Variants in LINGO2 observed in about 807,000 individuals in gnomAD.
The protein encoded by LINGO2 is leucine-rich repeat and immunoglobulin-like domain-containing nogo receptor-interacting protein 2.
Under a neutral mutation model 30.6 loss-of-function variants are expected in LINGO2, and 14 were observed. The ratio of observed to expected loss-of-function variants is 0.46; its 90% confidence interval spans 0.30 to 0.72. The LOEUF (loss-of-function observed/expected upper bound fraction) is 0.72, where lower values mean the gene tolerates loss of function less well. LINGO2 is among the 30% of genes least tolerant of loss of function. The pLI, the probability that LINGO2 is intolerant of heterozygous loss-of-function variation, is 0.07. For synonymous variants in LINGO2, 317 were observed against 288.5 expected, an observed-to-expected ratio of 1.10 and a Z score of -1.00; for missense variants, 729 against 751.7, an observed-to-expected ratio of 0.97 and a Z score of 0.35.
At chr9:28,681,472 A>G in the LINGO2 span, among the ~76,000 whole-genome samples, 2 of 152,092 alleles carry the variant, frequency 1.3e-5, no homozygotes, top group African/African-American at 2.4e-5. Context: ...CTGTGGCTTT[A>G]GATCTTTTAT....
At chr9:27,957,867 A>G (rs779245649) in intron 5 of LINGO2, among the ~76,000 whole-genome samples, 2 of 152,218 alleles carry the variant, frequency 1.3e-5, no homozygotes, top group Non-Finnish European at 2.9e-5. Flanking sequence ...ATCTTTAGGT[A>G]TTCTTTAATT....
the LINGO2 span, among the ~76,000 whole-genome samples, chr9:28,707,116 G>A: frequency 1.6e-4 from 24 of 152,008 alleles, no homozygotes; most frequent in African/African-American, 5.3e-4. Flanking sequence ...TGTGGTAACC[G>A]CTTTTGCTCA....
the LINGO2 span, among the ~76,000 whole-genome samples, chr9:28,713,863 A>T: frequency 1.3e-5 from 2 of 151,948 alleles, no homozygotes; most frequent in Admixed American, 1.3e-4. Context: ...CAATAAAAAT[A>T]TATCTCCACT....
At chr9:28,274,733 A>C (rs1406595783) in intron 4 of LINGO2, among the ~76,000 whole-genome samples, 1 of 151,942 alleles carries the variant, frequency 6.6e-6, no homozygotes, top group Non-Finnish European at 1.5e-5. Flanking sequence ...TTCCTAAATG[A>C]CTCCTTTTAC....
intron 4 of LINGO2, among the ~76,000 whole-genome samples, chr9:28,089,878 G>A (rs4878693): frequency 0.13 from 19,027 of 151,940 alleles, 1,688 homozygotes; most frequent in Non-Finnish European, 0.17. Context: ...ATGATAAAGG[G>A]GATATCACCA....
intron 4 of LINGO2, among the ~76,000 whole-genome samples, chr9:28,259,505 A>G (rs986669318): frequency 1.3e-5 from 2 of 151,830 alleles, no homozygotes; most frequent in African/African-American, 4.8e-5. Context: ...GGTGAGCCAT[A>G]CAAGGTCTAT....
the LINGO2 span, among the ~76,000 whole-genome samples, chr9:28,949,170 C>T: frequency 5.9e-5 from 9 of 151,630 alleles, no homozygotes; most frequent in Admixed American, 1.3e-4. Context: ...GATCTAAAAC[C>T]GACACCCTAA....
chr9:29,203,072 C>T, the LINGO2 span, among the ~76,000 whole-genome samples: 1 of 152,020 alleles, frequency 6.6e-6, no homozygotes, highest in Non-Finnish European at 1.5e-5. Context: ...TCAGAACCAA[C>T]CATATATATA....
intron 5 of LINGO2, among the ~76,000 whole-genome samples, chr9:28,001,765 A>G (rs1433194700): frequency 1.3e-5 from 2 of 152,208 alleles, no homozygotes; most frequent in East Asian, 3.9e-4. Flanking sequence ...GAAACTAGGA[A>G]TGAAATCATT....
rs142830311 is a variant in LINGO2 at position 28,047,262 on chromosome 9, T to G, written c.-86-34857A>C. Among the ~76,000 whole-genome samples, 3 of 152,230 alleles carry G rather than the reference T, an allele frequency of 2.0e-5. No homozygotes were observed. In the East Asian group the frequency reaches 5.8e-4, roughly 29 times the overall value. ...CCACCAACCTGTAGTGATCTGACTC[T>G]TTGGTCGGAGCTTGCCCTCCTTTTA... On this transcript the variant is annotated intron_variant, in intron 4 of 5. Transcript: ENST00000379992.
intron 5 of LINGO2, among the ~76,000 whole-genome samples, chr9:27,966,442 C>T (rs752009526): frequency 5.9e-5 from 9 of 152,196 alleles, no homozygotes; most frequent in Middle Eastern, 3.4e-3. Flanking sequence ...AAATTTGAAA[C>T]CATCATCCTC....
chr9:28,138,296 G>A (rs1827572977), intron 4 of LINGO2, among the ~76,000 whole-genome samples: 1 of 152,006 alleles, frequency 6.6e-6, no homozygotes, highest in Admixed American at 6.6e-5. Flanking sequence ...TTTTTCCTTT[G>A]CTTTACTTCA....
chr9:27,960,987 T>C (rs547060215), intron 5 of LINGO2, among the ~76,000 whole-genome samples: 67 of 152,166 alleles, frequency 4.4e-4, no homozygotes, highest in Non-Finnish European at 7.9e-4. Context: ...TAATGGTCGA[T>C]TTATAATTTT....
At chr9:28,037,472 T>TAA (rs60891119) in intron 4 of LINGO2, among the ~76,000 whole-genome samples, 4,079 of 151,650 alleles carry the variant, frequency 0.027, 87 homozygotes, top group South Asian at 0.069. Context: ...CTGTCTCCTT[T>TAA]AAAAAAAAAG....
chr9:28,626,048 A>G (rs1170527381), intron 1 of LINGO2, among the ~76,000 whole-genome samples: 2 of 152,164 alleles, frequency 1.3e-5, no homozygotes, highest in East Asian at 3.8e-4. Flanking sequence ...TGGTGGCAAC[A>G]TTTGAGAATT....
chr9:28,716,790 A>G, the LINGO2 span, among the ~76,000 whole-genome samples: 4 of 152,224 alleles, frequency 2.6e-5, no homozygotes, highest in East Asian at 5.8e-4. Flanking sequence ...AGTGTTTGCT[A>G]TCAAACTATA....
chr9:28,666,187 C>T (rs985178113), intron 1 of LINGO2, among the ~76,000 whole-genome samples: 4 of 152,164 alleles, frequency 2.6e-5, no homozygotes, highest in African/African-American at 7.2e-5. Flanking sequence ...TCACTGCGCC[C>T]GGCTTAGTGT....
chr9:28,808,650 T>C, the LINGO2 span, among the ~76,000 whole-genome samples: 1 of 152,198 alleles, frequency 6.6e-6, no homozygotes. Context: ...GAAAGCTAAG[T>C]AATTTCATGG....
At chr9:28,110,357 C>A (rs1015645756) in intron 4 of LINGO2, among the ~76,000 whole-genome samples, 1 of 152,142 alleles carries the variant, frequency 6.6e-6, no homozygotes, top group Non-Finnish European at 1.5e-5. Flanking sequence ...GACTAAAACA[C>A]CAAAAGCATT....
Sources: gnomAD v4.1 joint callset for allele counts (sites outside exome capture counted in the v4.1 genomes callset) on GRCh38, gnomAD v4.1.1 for gene constraint, MANE v1.5 for transcripts, NCBI Gene and HGNC (gene_info 2026-07-23, HGNC 2026-07-21) for gene names.